EPB41: variants seen among roughly 807,000 people sequenced by gnomAD.
The protein encoded by EPB41 is protein 4.1.
EPB41 carries 65 observed loss-of-function variants against 108.0 expected under a neutral mutation model. The observed-to-expected ratio is 0.60, with a 90% CI of 0.49 to 0.74. EPB41 has a LOEUF of 0.74. EPB41 is among the 30% of genes least tolerant of loss of function. The probability of loss-of-function intolerance (pLI) is 0.00; values close to 1 mark genes in which losing one functional copy is unlikely to be tolerated. For synonymous variants in EPB41, 336 were observed against 358.9 expected (o/e 0.94, Z 0.72); for missense variants, 875 against 1,037.0 (o/e 0.84, Z 2.15).
At chr1:29,049,466 C>T (rs114685472) in intron 11 of EPB41, among the ~76,000 whole-genome samples, 3,795 of 152,234 alleles carry the variant, frequency 0.025, 154 homozygotes, top group African/African-American at 0.087. Context: ...AAAACACATG[C>T]CCAAGCCTCA....
intron 7 of EPB41, among the ~76,000 whole-genome samples, chr1:29,023,542 C>T (rs1200282751): frequency 6.6e-6 from 1 of 151,478 alleles, no homozygotes; most frequent in African/African-American, 2.4e-5. Context: ...ACAAAATCAG[C>T]CGGGCATGGT....
At chr1:28,946,717 A>G (rs538834985) in intron 1 of EPB41, among the ~76,000 whole-genome samples, 1 of 152,298 alleles carries the variant, frequency 6.6e-6, no homozygotes, top group African/African-American at 2.4e-5. Context: ...CCCTGCTTCA[A>G]TATTTAGCAT....
intron 4 of EPB41, among the ~76,000 whole-genome samples, chr1:29,006,719 A>G (rs2096410159): frequency 6.6e-6 from 1 of 151,838 alleles, no homozygotes; most frequent in African/African-American, 2.4e-5. Flanking sequence ...TGGGCGACAT[A>G]GTGAAACCCT....
chr1:28,915,326 A>G (rs1287347268), intron 1 of EPB41, among the ~76,000 whole-genome samples: 3 of 152,128 alleles, frequency 2.0e-5, no homozygotes, highest in Non-Finnish European at 2.9e-5. Context: ...CCCAGCGAGC[A>G]GAGGGTTAAA....
rs369874048 is a variant in EPB41 at position 28,975,865 on chromosome 1, C to T, written c.-7-11566C>T. 6.4e-5 allele frequency among the ~76,000 whole-genome samples: 9 copies of T among 140,850 alleles called. No homozygotes were observed. The East Asian group carries it at 1.1e-3, about 18-fold the overall frequency. The allele number at this position is 140,850 out of a possible 152,430, so 92.4% of individuals were successfully genotyped here. ...CTGAGGCAGGAGAATGGCGTGAACC[C>T]GGGAGGCGGAGCTTGCAGTGAGCTG... On this transcript the variant is annotated intron_variant, in intron 1 of 20. Transcript: ENST00000343067.
chr1:29,080,096 C>CTTT (rs1558259070), intron 16 of EPB41, among the ~76,000 whole-genome samples: 31 of 107,572 alleles, frequency 2.9e-4, no homozygotes, highest in African/African-American at 6.6e-4. Context: ...GATAAAGCAA[C>CTTT]ATTATTTATT....
upstream of EPB41, among the ~76,000 whole-genome samples, chr1:28,910,107 C>T (rs1487562567): frequency 2.7e-5 from 4 of 150,904 alleles, no homozygotes; most frequent in South Asian, 4.2e-4. Context: ...AAAAAGTGTA[C>T]GTATAAGAAA....
At chr1:28,924,906 C>G (rs977331311) in intron 1 of EPB41, among the ~76,000 whole-genome samples, 2 of 151,376 alleles carry the variant, frequency 1.3e-5, no homozygotes, top group Non-Finnish European at 2.9e-5. Context: ...AAGCAGTCCT[C>G]CCACCTCAGC....
Position 28,955,255 on chromosome 1 carries a change from T to C in EPB41, c.-7-32176T>C, listed in dbSNP as rs558172304. ...GCCCTAGTGGGGAAGGGACAAGTCT[T>C]ATCTTCCTATTTGAATTATACTTGT... On this transcript the variant is annotated intron_variant, in intron 1 of 20. Transcript: ENST00000343067. Among the ~76,000 whole-genome samples the C allele has an allele frequency of 1.8e-3, 270 of 152,350 alleles. 1 individual carries two copies. Among genetic ancestry groups the C allele is most frequent in the African/African-American group, 6.3e-3 (262 of 41,592 alleles).
At position 28,897,629 on chromosome 1, in the gene EPB41, GGAGGGGAGA is replaced by G. The variant is rs2090834445; in HGVS notation, c.-8+10421_-8+10429del. Among the ~76,000 whole-genome samples, 4 of 113,558 alleles carry G rather than the reference GGAGGGGAGA, an allele frequency of 3.5e-5. 1 individual carries two copies. Among genetic ancestry groups the G allele is most frequent in the African/African-American group, 1.0e-4 (3 of 28,636 alleles). The allele number at this position is 113,558 out of a possible 152,430, so 74.5% of individuals were successfully genotyped here. On this transcript the variant is annotated intron_variant, in intron 1 of 16. Coordinates refer to the EPB41 transcript ENST00000347529. ...GGAGGGGAGGGGAGAGGAGGGGAGA[GGAGGGGAGA>G]GGAGGGGAGAGGAGGGGAGGGGACA...
rs748546202 is a variant in EPB41, at chr1:29,011,853, T to C, written c.787-12T>C. On this transcript the variant is annotated splice_polypyrimidine_tract_variant and intron_variant, in intron 4 of 20. Transcript: ENST00000343067. ...TGGAGCTCTGTGTGAATGCCTTTTCTCCTTTTTACAGACATGGCTGGATTC... is the reference window on the plus strand; with the variant it reads ...TGGAGCTCTGTGTGAATGCCTTTTCCCCTTTTTACAGACATGGCTGGATTC... The C allele has an allele frequency of 6.2e-7, 1 of 1,614,100 alleles. No homozygotes were observed. The highest frequency in any genetic ancestry group is 8.5e-7 in the Non-Finnish European group (1 of 1,179,984).
At chr1:29,066,136 C>T (rs1395164686) in intron 16 of EPB41, among the ~76,000 whole-genome samples, 1 of 151,772 alleles carries the variant, frequency 6.6e-6, no homozygotes, top group Non-Finnish European at 1.5e-5. Flanking sequence ...AATCCTACAT[C>T]TGGGCCGGGC....
At chr1:28,910,608 T>C (rs2092190351), upstream of EPB41, among the ~76,000 whole-genome samples, 1 of 149,726 alleles carries the variant, frequency 6.7e-6, no homozygotes, top group Non-Finnish European at 1.5e-5. Flanking sequence ...ATCTGAGGCC[T>C]CATCTACACT....
chr1:29,080,015 A>G (rs1558258824), intron 16 of EPB41, among the ~76,000 whole-genome samples: 3 of 152,020 alleles, frequency 2.0e-5, no homozygotes, highest in African/African-American at 2.4e-5. Flanking sequence ...AGAAAAAAAT[A>G]TATATTTCTC....
chr1:29,012,400 C>A (rs1333287668), intron 5 of EPB41, among the ~76,000 whole-genome samples: 4 of 152,120 alleles, frequency 2.6e-5, no homozygotes, highest in Non-Finnish European at 4.4e-5. Flanking sequence ...GTATAAAGGA[C>A]TGTGGAAGAA....
At chr1:29,036,588 AT>A (rs146958243) in intron 10 of EPB41, among the ~76,000 whole-genome samples, 4 of 147,972 alleles carry the variant, frequency 2.7e-5, no homozygotes, top group Non-Finnish European at 6.0e-5. Context: ...GTTTTTGCTA[AT>A]TTTTTTTTCC....
intron 1 of EPB41, among the ~76,000 whole-genome samples, chr1:28,977,415 G>C (rs1051897076): frequency 2.1e-5 from 3 of 146,110 alleles, no homozygotes; most frequent in African/African-American, 7.7e-5. Flanking sequence ...TTTTTTTAAA[G>C]GTTTGATTTG....
At chr1:29,095,440 T>A (rs1662859477) in intron 16 of EPB41, among the ~76,000 whole-genome samples, 1 of 152,186 alleles carries the variant, frequency 6.6e-6, no homozygotes, top group Non-Finnish European at 1.5e-5. Context: ...AGGGCTAGTG[T>A]GAGGATACAT....
intron 1 of EPB41, among the ~76,000 whole-genome samples, chr1:28,888,289 C>T (rs1002769090): frequency 2.0e-5 from 3 of 152,184 alleles, no homozygotes; most frequent in South Asian, 2.1e-4. Context: ...TCGTCAGGGT[C>T]AGGTCCTCAG....
Sources: gnomAD v4.1 joint callset for allele counts (sites outside exome capture counted in the v4.1 genomes callset) on GRCh38, gnomAD v4.1.1 for gene constraint, MANE v1.5 for transcripts, NCBI Gene and HGNC (gene_info 2026-07-23, HGNC 2026-07-21) for gene names.